The following AGMO variants were observed in gnomAD, a reference collection of about 807,000 sequenced individuals.
AGMO encodes the protein alkylglycerol monooxygenase, also known as glyceryl-ether monooxygenase.
Under a neutral mutation model 60.2 loss-of-function variants are expected in AGMO, and 75 were observed. The observed-to-expected ratio is 1.25, with a 90% CI of 1.03 to 1.51. AGMO has a LOEUF of 1.51. AGMO is among the 40% of genes most tolerant of loss of function. The probability of loss-of-function intolerance (pLI) is 0.00; values close to 1 mark genes in which losing one functional copy is unlikely to be tolerated. For synonymous variants in AGMO, 261 were observed against 177.1 expected, an observed-to-expected ratio of 1.47 and a Z score of -3.76; for missense variants, 763 against 525.5, an observed-to-expected ratio of 1.45 and a Z score of -4.42.
chr7:15,391,336 G>A (rs773392784), intron 6 of AGMO, among the ~76,000 whole-genome samples: 2 of 151,796 alleles, frequency 1.3e-5, no homozygotes, highest in Admixed American at 1.3e-4. Flanking sequence ...TCTGTTTCAG[G>A]AAGGAAATTT....
intron 3 of AGMO, among the ~76,000 whole-genome samples, chr7:15,543,747 T>A (rs1784693091): frequency 1.3e-5 from 2 of 151,956 alleles, no homozygotes; most frequent in Non-Finnish European, 2.9e-5. Context: ...TGTGCAAGTA[T>A]CTTTTTCATA....
the AGMO span, among the ~76,000 whole-genome samples, chr7:15,178,540 T>C: frequency 6.6e-6 from 1 of 152,178 alleles, no homozygotes; most frequent in Non-Finnish European, 1.5e-5. Context: ...GTTTATCTTT[T>C]GTTTTGCTGC....
intron 3 of AGMO, among the ~76,000 whole-genome samples, chr7:15,454,152 T>A (rs1297430746): frequency 6.6e-6 from 1 of 151,656 alleles, no homozygotes; most frequent in African/African-American, 2.4e-5. Context: ...GAAAAGTAAA[T>A]ATATGCTCAT....
chr7:15,229,724 A>G (rs1015156984), intron 12 of AGMO, among the ~76,000 whole-genome samples: 4 of 122,192 alleles, frequency 3.3e-5, no homozygotes, highest in African/African-American at 1.8e-4. Flanking sequence ...TATATTATAT[A>G]TAAATTATAT....
At chr7:15,424,495 A>G (rs915720021) in intron 4 of AGMO, among the ~76,000 whole-genome samples, 30 of 152,188 alleles carry the variant, frequency 2.0e-4, no homozygotes, top group African/African-American at 7.0e-4. Context: ...AATGACTATC[A>G]AATCTCTGTA....
chr7:15,425,554 T>C (rs1781036231), intron 4 of AGMO, among the ~76,000 whole-genome samples: 1 of 151,870 alleles, frequency 6.6e-6, no homozygotes, highest in South Asian at 2.1e-4. Context: ...CACATCTCAC[T>C]CAGCCTCCTG....
At chr7:15,352,370 C>G (rs1352023080) in intron 12 of AGMO, among the ~76,000 whole-genome samples, 1 of 152,018 alleles carries the variant, frequency 6.6e-6, no homozygotes, top group Non-Finnish European at 1.5e-5. Flanking sequence ...TTGGCTGCCA[C>G]TATCACAGTC....
At chr7:15,127,180 G>A in the AGMO span, among the ~76,000 whole-genome samples, 4,611 of 152,026 alleles carry the variant, frequency 0.03, 91 homozygotes, top group Non-Finnish European at 0.045. Flanking sequence ...ACCACCTCGG[G>A]CACATGTTCT....
At chr7:15,361,807 A>C (rs1463337228) in intron 12 of AGMO, among the ~76,000 whole-genome samples, 1 of 152,158 alleles carries the variant, frequency 6.6e-6, no homozygotes, top group Non-Finnish European at 1.5e-5. Context: ...CCTCCCAAAT[A>C]ATGTAGGAAG....
intron 12 of AGMO, among the ~76,000 whole-genome samples, chr7:15,219,420 G>A (rs1193907623): frequency 6.6e-6 from 1 of 152,060 alleles, no homozygotes; most frequent in African/African-American, 2.4e-5. Context: ...ATGAAGAGGA[G>A]TTTGCTAGCT....
chr7:15,278,308 G>C (rs1201920408), intron 12 of AGMO, among the ~76,000 whole-genome samples: 1 of 152,106 alleles, frequency 6.6e-6, no homozygotes, highest in Non-Finnish European at 1.5e-5. Flanking sequence ...CAGCAGTTTA[G>C]GTCAGCCTGA....
the AGMO span, among the ~76,000 whole-genome samples, chr7:15,137,201 C>T: frequency 2.4e-4 from 37 of 152,160 alleles, no homozygotes; most frequent in Non-Finnish European, 4.1e-4. Flanking sequence ...ACACATTTGT[C>T]GGTAACTTGT....
At chr7:15,131,622 T>C in the AGMO span, among the ~76,000 whole-genome samples, 2 of 152,026 alleles carry the variant, frequency 1.3e-5, no homozygotes, top group Non-Finnish European at 2.9e-5. Context: ...AAATAGTACA[T>C]GATATATTCA....
At position 15,248,214 on chromosome 7, in the gene AGMO, A is replaced by ATATATATATATATATATATATATATATG. The variant is rs1402723880; in HGVS notation, c.1264-46856_1264-46855insCATATATATATATATATATATATATATA. ...TATATATATATATATATATATATAT[A>ATATATATATATATATATATATATATATG]TATATATATATCTTCATCTTCAATT... On this transcript the variant is annotated intron_variant, in intron 12 of 12. Transcript: ENST00000342526. Among the ~76,000 whole-genome samples, 21 of 71,158 alleles carry ATATATATATATATATATATATATATATG rather than the reference A, an allele frequency of 3.0e-4. 3 individuals carry two copies. Among genetic ancestry groups the ATATATATATATATATATATATATATATG allele is most frequent in the Non-Finnish European group, 4.2e-4 (14 of 33,620 alleles). The allele number at this position is 71,158 out of a possible 152,430, so 46.7% of individuals were successfully genotyped here.
At chr7:15,266,434 T>G (rs935697989) in intron 12 of AGMO, among the ~76,000 whole-genome samples, 16 of 152,064 alleles carry the variant, frequency 1.1e-4, no homozygotes, top group Admixed American at 2.0e-4. Flanking sequence ...TTCAAAGGGC[T>G]CATGTGAAAG....
At chr7:15,171,976 A>G in the AGMO span, among the ~76,000 whole-genome samples, 50 of 152,324 alleles carry the variant, frequency 3.3e-4, no homozygotes, top group Admixed American at 2.3e-3. Flanking sequence ...ACAAGTATTG[A>G]GGGCCTGGGA....
intron 12 of AGMO, among the ~76,000 whole-genome samples, chr7:15,298,292 C>T (rs757006047): frequency 7.2e-5 from 11 of 152,142 alleles, no homozygotes; most frequent in Admixed American, 1.3e-4. Context: ...TCAGCTTTCT[C>T]CCGTCTTAAT....
chr7:15,354,345 C>CGT (rs770392674), intron 12 of AGMO, among the ~76,000 whole-genome samples: 1 of 44,254 alleles, frequency 2.3e-5, no homozygotes, highest in African/African-American at 1.0e-4. Flanking sequence ...TATATACACG[C>CGT]GTGTATATAG....
At chr7:15,382,799 C>A (rs932350960) in intron 10 of AGMO, among the ~76,000 whole-genome samples, 1 of 151,954 alleles carries the variant, frequency 6.6e-6, no homozygotes, top group African/African-American at 2.4e-5. Flanking sequence ...ACACTCCTAC[C>A]ATAGATATCT....
Sources: allele counts gnomAD v4.1 joint callset (sites outside exome capture counted in the v4.1 genomes callset), GRCh38; gene constraint gnomAD v4.1.1; transcripts MANE v1.5; gene names NCBI Gene and HGNC (gene_info 2026-07-23, HGNC 2026-07-21).